Variants in THSD4 observed in about 807,000 individuals in gnomAD.
The protein encoded by THSD4 is thrombospondin type-1 domain-containing protein 4.
A neutral mutation model predicts 119.0 loss-of-function variants in THSD4; 69 were observed. That is an observed-to-expected ratio of 0.58 (90% CI 0.48 to 0.71). The LOEUF is 0.71. Among genes scored for constraint, THSD4 ranks in the 30% least tolerant of loss-of-function variants. THSD4 has a pLI of 0.00. For missense variants in THSD4, 1,393 were observed against 1,391.1 expected (o/e 1.00, Z -0.02); for synonymous variants, 524 against 540.4 (o/e 0.97, Z 0.42).
chr15:71,520,241 C>T (rs2048420249), intron 7 of THSD4, among the ~76,000 whole-genome samples: 1 of 152,156 alleles, frequency 6.6e-6, no homozygotes, highest in Admixed American at 6.5e-5. Context: ...CGTGCTCTCA[C>T]TAAGGGAGGG....
intron 7 of THSD4, among the ~76,000 whole-genome samples, chr15:71,503,141 AT>A (rs1352849805): frequency 1.2e-4 from 19 of 152,166 alleles, no homozygotes; most frequent in Non-Finnish European, 2.2e-4. Flanking sequence ...CTGAGGACAC[AT>A]TTGAGCTGTG....
chr15:71,497,904 T>A (rs4528525), intron 7 of THSD4, among the ~76,000 whole-genome samples: 149,185 of 152,342 alleles, frequency 0.98, 73,119 homozygotes, highest in East Asian at 1. Context: ...GGGATCATTA[T>A]CTTCATATCA....
intron 13 of THSD4, 26 bp downstream of exon 13, chr15:71,747,068 GCAGCTCCCTCTC>G (rs1302151825): frequency 3.2e-6 from 5 of 1,573,306 alleles, no homozygotes; most frequent in African/African-American, 2.7e-5. Context: ...AGCCCGCTCT[GCAGCTCCCTCTC>G]CAGCTCCCAC....
chr15:71,712,323 T>C (rs767663968), intron 8 of THSD4, among the ~76,000 whole-genome samples: 40 of 152,264 alleles, frequency 2.6e-4, no homozygotes, highest in Middle Eastern at 3.4e-3. Flanking sequence ...TTCAGCTGAA[T>C]GAAAGTGAAA....
At chr15:71,206,828 C>T (rs1483622417) in intron 3 of THSD4, among the ~76,000 whole-genome samples, 3 of 152,138 alleles carry the variant, frequency 2.0e-5, no homozygotes, top group Non-Finnish European at 2.9e-5. Flanking sequence ...TCCATTTAAT[C>T]TATTTATTTT....
intron 3 of THSD4, among the ~76,000 whole-genome samples, chr15:71,190,851 C>T (rs1238829269): frequency 2.0e-5 from 3 of 152,106 alleles, no homozygotes; most frequent in African/African-American, 7.2e-5. Context: ...CGAGAGGAAA[C>T]GTTTTCACAC....
intron 14 of THSD4, among the ~76,000 whole-genome samples, chr15:71,753,359 T>C (rs1238994539): frequency 6.6e-6 from 1 of 152,254 alleles, no homozygotes; most frequent in African/African-American, 2.4e-5. Flanking sequence ...CCACCAGCCT[T>C]AGTTTGGTAA....
chr15:71,136,009 T>A (rs1413050550), intron 1 of THSD4, among the ~76,000 whole-genome samples: 1 of 144,740 alleles, frequency 6.9e-6, no homozygotes, highest in Non-Finnish European at 1.5e-5. Flanking sequence ...TTTTTTTTTT[T>A]TTTTTTTTAA....
chr15:71,263,962 G>A (rs778596612), intron 6 of THSD4, among the ~76,000 whole-genome samples: 2 of 152,294 alleles, frequency 1.3e-5, no homozygotes, highest in East Asian at 3.9e-4. Flanking sequence ...TTGCTCCAGG[G>A]AATATTAAAG....
chr15:71,353,076 C>T (rs2045764469), intron 6 of THSD4, among the ~76,000 whole-genome samples: 1 of 152,148 alleles, frequency 6.6e-6, no homozygotes, highest in Non-Finnish European at 1.5e-5. Flanking sequence ...TCTCATGTAC[C>T]AGACACTTTT....
chr15:71,320,908 G>T lies in THSD4; in HGVS notation c.1015+64193G>T, dbSNP rs190321105. Among the ~76,000 whole-genome samples, 729 of 152,066 alleles carry T rather than the reference G, an allele frequency of 4.8e-3. 4 individuals carry two copies. The highest frequency in any genetic ancestry group is 0.026 in the South Asian group (123 of 4,800). ...TGTCTAGCTAGGATTTAATAACATG[G>T]TTTCATTTTCTTTTGTATTTATTTT... On this transcript the variant is annotated intron_variant, in intron 6 of 17. Transcript: ENST00000261862.
chr15:71,687,723 C>T, intron 8 of THSD4, among the ~76,000 whole-genome samples: 1 of 149,572 alleles, frequency 6.7e-6, no homozygotes. Context: ...CCATTACACT[C>T]CAGTCTGGGC....
At chr15:71,655,118 G>GA (rs1266789655) in intron 7 of THSD4, among the ~76,000 whole-genome samples, 2 of 152,140 alleles carry the variant, frequency 1.3e-5, no homozygotes, top group East Asian at 3.8e-4. Context: ...GAAATCACTG[G>GA]AAAAAATACA....
intron 7 of THSD4, among the ~76,000 whole-genome samples, chr15:71,484,808 G>A (rs2047789895): frequency 6.6e-6 from 1 of 152,138 alleles, no homozygotes; most frequent in African/African-American, 2.4e-5. Flanking sequence ...ACGACCTGGG[G>A]CCAAAGTTTC....
chr15:71,591,843 G>A (rs1481886360), intron 7 of THSD4, among the ~76,000 whole-genome samples: 1 of 152,130 alleles, frequency 6.6e-6, no homozygotes, highest in Non-Finnish European at 1.5e-5. Flanking sequence ...ATAGGTAAAT[G>A]GGAATGGTAT....
intron 6 of THSD4, among the ~76,000 whole-genome samples, chr15:71,406,565 T>C (rs1012918592): frequency 6.6e-6 from 1 of 152,172 alleles, no homozygotes; most frequent in Non-Finnish European, 1.5e-5. Context: ...CCATTTATTA[T>C]TGAAAGTGGG....
chr15:71,551,867 A>C (rs993759746), intron 7 of THSD4, among the ~76,000 whole-genome samples: 1 of 152,210 alleles, frequency 6.6e-6, no homozygotes, highest in African/African-American at 2.4e-5. Flanking sequence ...CATATTGTCT[A>C]TACAGTAGAG....
At chr15:71,520,530 C>T (rs772721103) in intron 7 of THSD4, among the ~76,000 whole-genome samples, 5 of 152,160 alleles carry the variant, frequency 3.3e-5, no homozygotes, top group Non-Finnish European at 5.9e-5. Context: ...CCCTTTTATC[C>T]CACTGCCTTT....
At chr15:71,747,560 T>C (rs1480645523) in intron 13 of THSD4, among the ~76,000 whole-genome samples, 1 of 152,206 alleles carries the variant, frequency 6.6e-6, no homozygotes, top group Non-Finnish European at 1.5e-5. Flanking sequence ...GAAGAAAGTT[T>C]AGGAGAGGAG....
Sources: gnomAD v4.1 joint callset for allele counts (sites outside exome capture counted in the v4.1 genomes callset) on GRCh38, gnomAD v4.1.1 for gene constraint, MANE v1.5 for transcripts, NCBI Gene and HGNC (gene_info 2026-07-23, HGNC 2026-07-21) for gene names.